The following GALNT12 variants were observed in gnomAD, a reference collection of about 807,000 sequenced individuals.
GALNT12 encodes the protein polypeptide N-acetylgalactosaminyltransferase 12, also known as UDP-GalNAc:polypeptide N-acetylgalactosaminyltransferase 12.
GALNT12 carries 45 observed loss-of-function variants against 55.5 expected under a neutral mutation model. The ratio of observed to expected loss-of-function variants is 0.81; its 90% CI spans 0.64 to 1.04. The LOEUF (loss-of-function observed/expected upper bound fraction) is 1.04, where lower values mean the gene tolerates loss of function less well. Ranked by LOEUF, GALNT12 falls within the 50% of genes least tolerant of loss-of-function variation. The pLI is 0.00. For missense variants in GALNT12, 709 were observed against 754.8 expected (o/e 0.94, Z 0.71); for synonymous variants, 304 against 312.2 (o/e 0.97, Z 0.28).
Position 98,808,010 on chromosome 9 carries a change from C to T in GALNT12, c.312C>T (p.Asn104=), listed in dbSNP as rs569578805. The T allele has an allele frequency of 3.8e-6, 6 of 1,562,626 alleles. No individual in the cohort carries two copies. In the African/African-American group the frequency reaches 8.1e-5, roughly 21 times the overall value. The change falls in exon 1 of 10, where the codon AAC becomes AAT. Residue 104 remains asparagine (N), a synonymous_variant. Transcript: ENST00000375011. The part of the protein sequence containing the change: ...QEESVRLHQI[N]IYLSDRISLH... The stretch of plus-strand genomic sequence containing the variant: ...AGAGCGTGCGGCTGCACCAGATTAA[C>T]ATCTACCTCAGCGACCGCATCTCAC...
chr9:98,824,946 C>T (rs969208652), intron 2 of GALNT12, among the ~76,000 whole-genome samples: 5 of 152,132 alleles, frequency 3.3e-5, no homozygotes, highest in Admixed American at 3.3e-4. Context: ...ACTGCACGGG[C>T]TTGAATCCCC....
At chr9:98,831,746 C>T (rs202014938) in intron 3 of GALNT12, 26 bp from the exon 4 acceptor site, 119 of 1,613,958 alleles carry the variant, frequency 7.4e-5, no homozygotes, top group Middle Eastern at 1.7e-4. Flanking sequence ...ATAGGAGAGA[C>T]GGATGGATGT....
rs2295924 is a variant in GALNT12, at chr9:98,823,549, C to T, written c.541+124C>T. On this transcript the variant is annotated intron_variant, in intron 2 of 9. Coordinates refer to ENST00000375011, the MANE Select transcript of GALNT12 (RefSeq NM_024642.5). ...GATGGGCTTCCTGTATCCTCCTGTA[C>T]CCAAGGAAGACCTCAGGGATAGTAG... is the stretch of plus-strand genomic sequence containing the variant. 390,799 of 807,712 alleles carry T rather than the reference C, an allele frequency of 0.48. 98,399 individuals carry two copies. Among genetic ancestry groups the T allele is most frequent in the African/African-American group, 0.69 (41,139 of 59,368 alleles). 50.0% of individuals were successfully genotyped at this position (807,712 alleles called of 1,614,324 possible). A position where few individuals can be genotyped will look rare whatever the true frequency, so the allele number is the denominator to read the frequency against.
intron 5 of GALNT12, among the ~76,000 whole-genome samples, 189 bp downstream of exon 5, chr9:98,835,555 T>C (rs1348044923): frequency 1.3e-5 from 2 of 152,158 alleles, no homozygotes; most frequent in Non-Finnish European, 2.9e-5. Context: ...GCAAGGGCCT[T>C]GCGAGTCACA....
chr9:98,816,817 ATTTTTTTTTT>A (rs35357602), intron 1 of GALNT12, among the ~76,000 whole-genome samples: 1 of 73,118 alleles, frequency 1.4e-5, no homozygotes, highest in African/African-American at 5.2e-5. Context: ...TGTCCAGCTA[ATTTTTTTTTT>A]TTTTTTTTTT....
chr9:98,844,235 A>T (rs772783151), intron 8 of GALNT12, 26 bp downstream of exon 8: 1 of 1,353,804 alleles, frequency 7.4e-7, no homozygotes, highest in East Asian at 2.3e-5. Context: ...AAAAGAGGAG[A>T]AAGCTGTGTG....
chr9:98,828,014 C>T (rs766503217), intron 3 of GALNT12, among the ~76,000 whole-genome samples: 4 of 152,178 alleles, frequency 2.6e-5, no homozygotes, highest in Admixed American at 6.5e-5. Context: ...TCTGTTTCTG[C>T]ATCATAGAAG....
intron 7 of GALNT12, among the ~76,000 whole-genome samples, chr9:98,841,430 C>T (rs10819377): frequency 0.4 from 60,106 of 151,886 alleles, 12,186 homozygotes; most frequent in Non-Finnish European, 0.44. Flanking sequence ...AATGGAGTAT[C>T]CCTCACCTGG....
intron 3 of GALNT12, among the ~76,000 whole-genome samples, chr9:98,828,519 C>T (rs949810228): frequency 1.3e-5 from 2 of 152,186 alleles, no homozygotes; most frequent in East Asian, 1.9e-4. Flanking sequence ...TCTTTCTCTG[C>T]AGCTGATGGA....
chr9:98,845,761 G>A lies in GALNT12; in HGVS notation c.1459-216G>A, dbSNP rs7853839. On this transcript the variant is annotated intron_variant, in intron 8 of 9. Transcript: ENST00000375011. ...TGTCTAGCAAGCTGGGCAGGCATGG[G>A]AAGGGCCATTTCCTCCACGCTCATG... 0.015 allele frequency among the ~76,000 whole-genome samples: 2,283 copies of A among 152,228 alleles called. 64 individuals carry two copies. Among genetic ancestry groups the A allele is most frequent in the African/African-American group, 0.052 (2,175 of 41,506 alleles).
At chr9:98,848,640 A>G in intron 9 of GALNT12, 1 of 404,370 alleles carries the variant, frequency 2.5e-6, no homozygotes, top group Non-Finnish European at 4.7e-6. Context: ...GAAAGAGATA[A>G]ACAAAGGATC....
intron 1 of GALNT12, among the ~76,000 whole-genome samples, chr9:98,817,499 T>A (rs1320487025): frequency 7.2e-5 from 11 of 152,290 alleles, no homozygotes; most frequent in African/African-American, 2.6e-4. Flanking sequence ...GTTTTGCTCT[T>A]GTTGCCCAGG....
At chr9:98,822,543 G>T (rs1468123861) in intron 1 of GALNT12, among the ~76,000 whole-genome samples, 1 of 152,228 alleles carries the variant, frequency 6.6e-6, no homozygotes, top group Admixed American at 6.5e-5. Flanking sequence ...TGGGGGGCAG[G>T]TGGCAGCGGG....
intron 3 of GALNT12, among the ~76,000 whole-genome samples, chr9:98,828,033 T>C (rs1346715807): frequency 1.3e-5 from 2 of 152,200 alleles, no homozygotes; most frequent in Non-Finnish European, 2.9e-5. Flanking sequence ...AGTCAGGAGC[T>C]GGGCTTGCCA....
intron 1 of GALNT12, among the ~76,000 whole-genome samples, chr9:98,809,007 C>A (rs1257236858): frequency 1.3e-5 from 2 of 152,228 alleles, no homozygotes; most frequent in East Asian, 3.9e-4. Flanking sequence ...CCACTCCTCT[C>A]CCCTTCAAGC....
At chr9:98,819,384 A>G (rs73496129) in intron 1 of GALNT12, among the ~76,000 whole-genome samples, 2,645 of 152,316 alleles carry the variant, frequency 0.017, 84 homozygotes, top group African/African-American at 0.06. Context: ...CTGGCTGGCT[A>G]GGTGCTGGTG....
At chr9:98,832,059 T>C in intron 4 of GALNT12, 102 bp downstream of exon 4, 1 of 981,534 alleles carries the variant, frequency 1.0e-6, no homozygotes, top group Admixed American at 2.0e-5. Flanking sequence ...AGCTGTCAGC[T>C]TAACTACCTC....
intron 3 of GALNT12, among the ~76,000 whole-genome samples, chr9:98,827,907 T>TA (rs1356908770): frequency 6.6e-6 from 1 of 152,148 alleles, no homozygotes; most frequent in Non-Finnish European, 1.5e-5. Flanking sequence ...CTCACCCTCC[T>TA]ACCTTCCCCC....
intron 6 of GALNT12, 101 bp downstream of exon 6, chr9:98,837,249 A>G: frequency 8.7e-7 from 1 of 1,153,182 alleles, no homozygotes; most frequent in South Asian, 1.2e-5. Context: ...AGAAATAGAG[A>G]ATAAATTGGG....
Sources: gnomAD v4.1 joint callset for allele counts (sites outside exome capture counted in the v4.1 genomes callset) on GRCh38, gnomAD v4.1.1 for gene constraint, MANE v1.5 for transcripts, NCBI Gene and HGNC (gene_info 2026-07-23, HGNC 2026-07-21) for gene names.